CPZ: variants seen among roughly 807,000 people sequenced by gnomAD.
The protein encoded by CPZ is carboxypeptidase Z, also known as VEZT/CPZ fusion.
A neutral mutation model predicts 61.8 loss-of-function variants in CPZ; 103 were observed. That is an observed-to-expected ratio of 1.67 (90% confidence interval 1.42 to 1.96). CPZ has a LOEUF of 1.96. CPZ is among the 30% of genes most tolerant of loss of function. CPZ has a pLI of 0.00. For synonymous variants in CPZ, 551 were observed against 373.7 expected (o/e 1.47, Z -5.47); for missense variants, 1,461 against 914.9 (o/e 1.60, Z -7.70).
chr4:8,619,130 CCA>C (rs757365888), intron 10 of CPZ, 130 bp from the exon 11 acceptor site: 16 of 727,924 alleles, frequency 2.2e-5, no homozygotes, highest in Non-Finnish European at 3.1e-5. Context: ...CGTTCCAGGC[CCA>C]CACAGAGGCA....
At chr4:8,609,670 C>A (rs1253758501) in intron 7 of CPZ, among the ~76,000 whole-genome samples, 1 of 152,230 alleles carries the variant, frequency 6.6e-6, no homozygotes, top group Non-Finnish European at 1.5e-5. Context: ...CCCCTCTGCA[C>A]TGGCCCAGTG....
In CPZ at chr4:8,601,191, C is replaced by G; in HGVS notation, c.190C>G (p.Leu64Val). The change falls in exon 3 of 11, where the codon CTG (leucine) becomes GTG (valine). Residue 64 changes from leucine (L) to valine (V), a missense_variant. Leu to Val is a conservative substitution (Grantham distance 32). Coordinates refer to ENST00000360986, the MANE Select transcript of CPZ (RefSeq NM_001014447.3). Reference protein sequence around the residue: ...AAYNHTTFPNLLQHRSWEVVE... With the variant: ...AAYNHTTFPNVLQHRSWEVVE... ...CTACAACCACACCACCTTCCCCAAC[C>G]TGCTTCAGCACCGGTCGTGGGAGGT... The G allele has an allele frequency of 1.2e-6, 2 of 1,612,130 alleles. No homozygotes were observed. The highest frequency in any genetic ancestry group is 8.5e-7 in the Non-Finnish European group (1 of 1,178,992).
At chr4:8,612,184 ACTGGGCGGGGG>A in intron 8 of CPZ, 22 bp downstream of exon 8, 1 of 277,262 alleles carries the variant, frequency 3.6e-6, no homozygotes, top group Non-Finnish European at 4.8e-6. Context: ...GCAGGGCGGG[ACTGGGCGGGGG>A]GTGGGGGGTG....
intron 9 of CPZ, chr4:8,617,942 A>T (rs1413812440): frequency 6.1e-6 from 1 of 165,244 alleles, no homozygotes; most frequent in African/African-American, 2.4e-5. Context: ...GCAAGCAGTA[A>T]GAAGGCAGGG....
At position 8,601,380 on chromosome 4, in the gene CPZ, G is replaced by A. The variant is rs370509889; in HGVS notation, c.379G>A (p.Glu127Lys). 5.1e-5 allele frequency: 82 copies of A among 1,600,214 alleles called. No individual in the cohort carries two copies. The highest frequency in any genetic ancestry group is 5.1e-5 in the Admixed American group (3 of 59,190). The change falls in exon 3 of 11, where the codon GAG becomes AAG. Residue 127 changes from glutamate to lysine, a missense_variant. By Grantham distance (56) the Glu-to-Lys change is moderately conservative. Coordinates refer to ENST00000360986, the MANE Select transcript of CPZ (RefSeq NM_001014447.3). ...CCGGCACATCTGCGAGGGCCTGCGG[G>A]AGGTCTGCCAGCCCGCCTTCGACGC... ...PCRHICEGLR[E>K]VCQPAFDAID...
intron 7 of CPZ, chr4:8,611,067 T>TTCACTCATTCATTCGCTCATTCACTCAC (rs1715625741): frequency 4.4e-5 from 16 of 360,590 alleles, no homozygotes; most frequent in South Asian, 3.0e-4. Flanking sequence ...CACTCACTCA[T>TTCACTCATTCATTCGCTCATTCACTCAC]TCACTCATTC....
At chr4:8,599,544 G>C in intron 2 of CPZ, 59 bp downstream of exon 2, 6 of 1,604,622 alleles carry the variant, frequency 3.7e-6, no homozygotes, top group Non-Finnish European at 4.3e-6. Context: ...CCCCCACACT[G>C]TCAGAGCACT....
At chr4:8,596,774 C>G (rs1018836594) in intron 1 of CPZ, among the ~76,000 whole-genome samples, 1 of 152,180 alleles carries the variant, frequency 6.6e-6, no homozygotes, top group Non-Finnish European at 1.5e-5. Context: ...CAGGAAGGAT[C>G]GCCTGTCCAG....
rs763202572 is a variant in CPZ, at chr4:8,614,475, T to G, written c.1480T>G (p.Ser494Ala). The change falls in exon 9 of 11, where the codon TCA becomes GCA. Residue 494 changes from serine to alanine, a missense_variant. Physicochemically the swap from Ser to Ala is moderately conservative, Grantham distance 99. Coordinates refer to ENST00000360986, the MANE Select transcript of CPZ (RefSeq NM_001014447.3). The part of the protein sequence containing the change: ...LYILWQHNKE[S>A]LLNFVETVHR... ...CATACTCTGGCAGCACAACAAGGAGTCACTCCTGAATTTCGTGGAGACGGT... is the reference window on the plus strand; with the variant it reads ...CATACTCTGGCAGCACAACAAGGAGGCACTCCTGAATTTCGTGGAGACGGT... 3 of 1,613,238 alleles carry G rather than the reference T, an allele frequency of 1.9e-6. No individual in the cohort carries two copies. In the African/African-American group the frequency reaches 4.0e-5, roughly 22 times the overall value.
At chr4:8,606,578 G>C (rs1352562488) in intron 5 of CPZ, among the ~76,000 whole-genome samples, 159 bp from the exon 6 acceptor site, 1 of 152,138 alleles carries the variant, frequency 6.6e-6, no homozygotes, top group East Asian at 1.9e-4. Flanking sequence ...CCGGGGTGGA[G>C]AGGAGGCCAA....
intron 7 of CPZ, among the ~76,000 whole-genome samples, chr4:8,609,040 T>TCCC (rs1715300401): frequency 7.5e-6 from 1 of 132,890 alleles, no homozygotes; most frequent in Non-Finnish European, 1.6e-5. Flanking sequence ...CACTCACCCA[T>TCCC]TCACTCCCTC....
chr4:8,608,793 G>A (rs1242252450), intron 7 of CPZ, among the ~76,000 whole-genome samples: 1 of 144,664 alleles, frequency 6.9e-6, no homozygotes, highest in Admixed American at 6.9e-5. Context: ...AGGGCAGGGA[G>A]GGGCACTGGA....
At position 8,607,338 on chromosome 4, in the gene CPZ, T is replaced by G; in HGVS notation, c.1140T>G (p.His380Gln). 6.2e-7 allele frequency: 1 copy of G among 1,614,100 alleles called. No homozygotes were observed. Among genetic ancestry groups the G allele is most frequent in the Non-Finnish European group, 8.5e-7 (1 of 1,179,976 alleles). ...CCTTTGTGCTCTCAGCCAGCCTTCA[T>G]GGGGGCGACCTGGTGGTGTCCTACC... ...TIPFVLSASL[H>Q]GGDLVVSYPF... The change falls in exon 7 of 11, where the codon CAT becomes CAG. Residue 380 changes from histidine to glutamine, a missense_variant. Coordinates refer to ENST00000360986, the MANE Select transcript of CPZ (RefSeq NM_001014447.3).
chr4:8,609,605 C>A (rs1171931961), intron 7 of CPZ, among the ~76,000 whole-genome samples: 1 of 152,186 alleles, frequency 6.6e-6, no homozygotes, highest in Non-Finnish European at 1.5e-5. Flanking sequence ...AGGTGTCCCC[C>A]TCTGCACAGG....
chr4:8,595,964 G>A (rs1190453631), intron 1 of CPZ, among the ~76,000 whole-genome samples: 3 of 152,202 alleles, frequency 2.0e-5, no homozygotes, highest in Non-Finnish European at 2.9e-5. Context: ...CGGGAGGGGC[G>A]GGAGAGTTCT....
chr4:8,607,477 C>T (rs750573007), intron 7 of CPZ, 52 bp downstream of exon 7: 20 of 1,584,958 alleles, frequency 1.3e-5, no homozygotes, highest in Admixed American at 1.7e-5. Context: ...TGCGCGGTCC[C>T]CTTGGAGCTG....
chr4:8,614,327 C>T (rs2302572), intron 8 of CPZ, 32 bp from the exon 9 acceptor site: 728,171 of 1,566,548 alleles, frequency 0.46, 177,421 homozygotes, highest in East Asian at 0.61. Flanking sequence ...GCGGCTGACA[C>T]CCCTGACGTC....
chr4:8,615,907 C>T (rs1716122305), intron 9 of CPZ, among the ~76,000 whole-genome samples: 1 of 152,198 alleles, frequency 6.6e-6, no homozygotes, highest in Non-Finnish European at 1.5e-5. Context: ...AACATTCTGC[C>T]ATTTGAGTTT....
chr4:8,600,452 C>T (rs192784976), intron 2 of CPZ, among the ~76,000 whole-genome samples: 342 of 152,060 alleles, frequency 2.2e-3, no homozygotes, highest in Non-Finnish European at 2.4e-3. Flanking sequence ...CCAGCGGCTG[C>T]GGGGACACAG....
Sources: gnomAD v4.1 joint callset for allele counts (sites outside exome capture counted in the v4.1 genomes callset) on GRCh38, gnomAD v4.1.1 for gene constraint, MANE v1.5 for transcripts, NCBI Gene and HGNC (gene_info 2026-07-23, HGNC 2026-07-21) for gene names.